SLC22A3: variants seen among roughly 807,000 people sequenced by gnomAD.
SLC22A3 encodes solute carrier family 22 member 3.
A neutral mutation model predicts 59.1 loss-of-function variants in SLC22A3; 51 were observed. The observed-to-expected ratio is 0.86, with a 90% CI of 0.69 to 1.09. SLC22A3 has a LOEUF of 1.09. Ranked by LOEUF, SLC22A3 falls within the 50% of genes least tolerant of loss-of-function variation. The pLI is 0.00. For synonymous variants in SLC22A3, 325 were observed against 292.0 expected (o/e 1.11, Z -1.15); for missense variants, 711 against 726.3 (o/e 0.98, Z 0.24).
intron 1 of SLC22A3, among the ~76,000 whole-genome samples, chr6:160,357,692 C>G (rs1158496770): frequency 6.6e-6 from 1 of 152,084 alleles, no homozygotes; most frequent in African/African-American, 2.4e-5. Context: ...AAAGAAAATA[C>G]CCATAGAGAA....
At chr6:160,358,350 T>C (rs561522858) in intron 1 of SLC22A3, among the ~76,000 whole-genome samples, 23 of 152,318 alleles carry the variant, frequency 1.5e-4, no homozygotes, top group African/African-American at 5.3e-4. Flanking sequence ...TAGCTGGTGA[T>C]GATCATAGAT....
chr6:160,445,309 G>C (rs1788699595), intron 9 of SLC22A3, among the ~76,000 whole-genome samples: 1 of 152,174 alleles, frequency 6.6e-6, no homozygotes, highest in South Asian at 2.1e-4. Flanking sequence ...GCATCCTCAA[G>C]CACCTGGTGC....
At chr6:160,367,733 A>G (rs1159314679) in intron 1 of SLC22A3, among the ~76,000 whole-genome samples, 1 of 152,194 alleles carries the variant, frequency 6.6e-6, no homozygotes, top group Non-Finnish European at 1.5e-5. Context: ...CAGGGCATCC[A>G]GGCACATCAT....
rs145864404 is a variant in SLC22A3 at position 160,425,937 on chromosome 6, G to A, written c.976-10843G>A. On this transcript the variant is annotated intron_variant, in intron 5 of 10. Coordinates refer to ENST00000275300, the MANE Select transcript of SLC22A3 (RefSeq NM_021977.4). ...TCAGGATTGGAATTCCAGAGATGGC[G>A]TGTGCTACTGGCTTATGGCTGATAC... 768 of 985,430 alleles carry A rather than the reference G, an allele frequency of 7.8e-4. 7 individuals carry two copies. In the African/African-American group the frequency reaches 0.012, roughly 16 times the overall value. The allele number at this position is 985,430 out of a possible 1,614,324, so 61.0% of individuals were successfully genotyped here. A position where few individuals can be genotyped will look rare whatever the true frequency, so the allele number is the denominator to read the frequency against.
intron 10 of SLC22A3, among the ~76,000 whole-genome samples, chr6:160,450,726 T>C (rs955216028): frequency 2.6e-5 from 4 of 152,304 alleles, no homozygotes; most frequent in Admixed American, 2.6e-4. Context: ...CTGATAAATG[T>C]CCATATCAAA....
intron 1 of SLC22A3, among the ~76,000 whole-genome samples, chr6:160,354,155 C>T (rs755173222): frequency 2.6e-5 from 4 of 152,080 alleles, no homozygotes; most frequent in Admixed American, 6.5e-5. Context: ...TTTGGACCCA[C>T]GGGTTATTTT....
At chr6:160,443,459 G>A (rs1397545591) in intron 8 of SLC22A3, among the ~76,000 whole-genome samples, 171 bp from the exon 9 acceptor site, 1 of 152,204 alleles carries the variant, frequency 6.6e-6, no homozygotes, top group Non-Finnish European at 1.5e-5. Flanking sequence ...ACTGTGAAAC[G>A]TGCAGAATGG....
At chr6:160,374,949 G>A (rs998494734) in intron 1 of SLC22A3, among the ~76,000 whole-genome samples, 1 of 152,144 alleles carries the variant, frequency 6.6e-6, no homozygotes, top group African/African-American at 2.4e-5. Context: ...TGCTGCCCAG[G>A]TGCACTCCAC....
intron 1 of SLC22A3, among the ~76,000 whole-genome samples, chr6:160,386,396 AGTT>A (rs1786017175): frequency 6.6e-6 from 1 of 152,248 alleles, no homozygotes; most frequent in African/African-American, 2.4e-5. Context: ...CTTCAAGTGC[AGTT>A]CTTGGTTTTT....
At chr6:160,440,680 T>C (rs1216796858) in intron 7 of SLC22A3, among the ~76,000 whole-genome samples, 1 of 152,216 alleles carries the variant, frequency 6.6e-6, no homozygotes, top group Non-Finnish European at 1.5e-5. Flanking sequence ...TATATATTTA[T>C]TCATACTTCC....
intron 2 of SLC22A3, 126 bp from the exon 3 acceptor site, chr6:160,406,915 C>T: frequency 8.6e-7 from 1 of 1,159,456 alleles, no homozygotes; most frequent in Non-Finnish European, 1.2e-6. Context: ...TACAAAACAT[C>T]TTTAAAATAA....
At chr6:160,384,195 G>A (rs761715624) in intron 1 of SLC22A3, among the ~76,000 whole-genome samples, 6 of 152,132 alleles carry the variant, frequency 3.9e-5, no homozygotes, top group Admixed American at 2.0e-4. Context: ...CTCCCAAAGT[G>A]AGCCACCACG....
intron 1 of SLC22A3, among the ~76,000 whole-genome samples, chr6:160,382,988 G>C (rs1172384553): frequency 1.3e-5 from 2 of 152,044 alleles, no homozygotes; most frequent in Non-Finnish European, 2.9e-5. Flanking sequence ...TTTAAAAATG[G>C]CCCAATCTTA....
At chr6:160,351,277 G>A (rs1784651544) in intron 1 of SLC22A3, among the ~76,000 whole-genome samples, 2 of 152,040 alleles carry the variant, frequency 1.3e-5, no homozygotes, top group African/African-American at 4.8e-5. Context: ...CACCATGCCC[G>A]GCTAATTTTT....
At chr6:160,399,846 A>G (rs1230762998) in intron 2 of SLC22A3, among the ~76,000 whole-genome samples, 1 of 152,176 alleles carries the variant, frequency 6.6e-6, no homozygotes. Flanking sequence ...GATCCATAAG[A>G]GAAGTGAGAT....
chr6:160,365,907 G>A (rs1785187365), intron 1 of SLC22A3, among the ~76,000 whole-genome samples: 2 of 152,064 alleles, frequency 1.3e-5, no homozygotes, highest in African/African-American at 4.8e-5. Context: ...GAACAAAAGG[G>A]GGAAAAGTCT....
In SLC22A3 at chr6:160,348,741, C is replaced by T; in HGVS notation, c.322C>T (p.Leu108Phe). ...ANDSASATSA[L>F]SCADPLAAFP... ...CGACAGCGCCTCCGCCACTAGCGCTCTCAGCTGCGCGGACCCACTCGCCGC... is the reference window on the plus strand; with the variant it reads ...CGACAGCGCCTCCGCCACTAGCGCTTTCAGCTGCGCGGACCCACTCGCCGC... The change falls in exon 1 of 11, where the codon CTC becomes TTC. Residue 108 changes from leucine (L) to phenylalanine (F), a missense_variant. Coordinates refer to ENST00000275300, the MANE Select transcript of SLC22A3 (RefSeq NM_021977.4). 1 of 1,534,790 alleles carries T rather than the reference C, an allele frequency of 6.5e-7. No homozygotes were observed. Among genetic ancestry groups the T allele is most frequent in the Non-Finnish European group, 8.7e-7 (1 of 1,146,678 alleles).
chr6:160,428,275 G>A (rs1204656846), intron 5 of SLC22A3, among the ~76,000 whole-genome samples: 2 of 152,186 alleles, frequency 1.3e-5, no homozygotes, highest in Non-Finnish European at 2.9e-5. Flanking sequence ...AGCATGCCCA[G>A]TCATCTAGGA....
intron 1 of SLC22A3, among the ~76,000 whole-genome samples, chr6:160,363,696 C>G (rs1785103058): frequency 6.6e-6 from 1 of 152,194 alleles, no homozygotes; most frequent in South Asian, 2.1e-4. Context: ...TTTCCAAGCG[C>G]CTGCATGTCT....
Sources: allele counts gnomAD v4.1 joint callset (sites outside exome capture counted in the v4.1 genomes callset), GRCh38; gene constraint gnomAD v4.1.1; transcripts MANE v1.5; gene names NCBI Gene and HGNC (gene_info 2026-07-23, HGNC 2026-07-21).